Variants in AFAP1 observed in about 807,000 individuals in gnomAD.
AFAP1 encodes actin filament associated protein 1, also known as actin filament-associated protein 1.
In AFAP1, 75 loss-of-function variants were observed where a neutral mutation model predicts 93.9. The observed-to-expected ratio is 0.80, with a 90% CI of 0.66 to 0.97. The LOEUF is 0.97. Among genes scored for constraint, AFAP1 ranks in the 50% least tolerant of loss-of-function variants. The pLI is 0.00. For synonymous variants in AFAP1, 517 were observed against 430.7 expected (o/e 1.20, Z -2.48); for missense variants, 1,201 against 1,050.8 (o/e 1.14, Z -1.98).
chr4:7,898,868 A>ATG (rs978783158), intron 1 of AFAP1, among the ~76,000 whole-genome samples: 1 of 146,950 alleles, frequency 6.8e-6, no homozygotes, highest in Non-Finnish European at 1.5e-5. Flanking sequence ...GTGTATATAT[A>ATG]TGTGTGTGTG....
chr4:7,849,170 G>A (rs1375442683), intron 4 of AFAP1, among the ~76,000 whole-genome samples: 1 of 152,158 alleles, frequency 6.6e-6, no homozygotes, highest in Non-Finnish European at 1.5e-5. Context: ...TGGCTTTGCT[G>A]AGGCCATAAG....
At chr4:7,919,836 C>G (rs1202286111) in intron 1 of AFAP1, among the ~76,000 whole-genome samples, 1 of 151,998 alleles carries the variant, frequency 6.6e-6, no homozygotes, top group Non-Finnish European at 1.5e-5. Context: ...TGTTGTTCCC[C>G]TCCCTGTGTC....
chr4:7,828,601 A>G (rs1721636261), intron 6 of AFAP1, among the ~76,000 whole-genome samples: 1 of 152,192 alleles, frequency 6.6e-6, no homozygotes. Context: ...AGGTGGTGGC[A>G]GAGGAAAAGC....
chr4:7,850,770 A>G (rs181756163), intron 4 of AFAP1, among the ~76,000 whole-genome samples: 10 of 152,340 alleles, frequency 6.6e-5, no homozygotes, highest in African/African-American at 9.6e-5. Context: ...TGTTTTGTAC[A>G]ACTCCAGAGC....
chr4:7,776,344 C>A (rs1452950300), intron 14 of AFAP1: 1 of 152,206 alleles, frequency 6.6e-6, no homozygotes, highest in Non-Finnish European at 1.5e-5. Flanking sequence ...CTCAGCTTCA[C>A]CCTCTCTAAA....
At chr4:7,808,631 G>T (rs1323100808) in intron 9 of AFAP1, among the ~76,000 whole-genome samples, 1 of 152,216 alleles carries the variant, frequency 6.6e-6, no homozygotes, top group Non-Finnish European at 1.5e-5. Context: ...CATTGGTATA[G>T]TTTGGATATT....
chr4:7,765,953 C>G (rs529768323), intron 17 of AFAP1, among the ~76,000 whole-genome samples: 1 of 152,188 alleles, frequency 6.6e-6, no homozygotes, highest in Non-Finnish European at 1.5e-5. Flanking sequence ...AGTGACCCTG[C>G]GCCAGGATGC....
intron 1 of AFAP1, among the ~76,000 whole-genome samples, chr4:7,887,831 A>ATT (rs34450871): frequency 9.4e-4 from 140 of 148,566 alleles, no homozygotes; most frequent in Non-Finnish European, 1.5e-3. Flanking sequence ...ATAAAGAACA[A>ATT]TTTTTTTTTT....
chr4:7,896,153 G>C (rs537749058), intron 1 of AFAP1, among the ~76,000 whole-genome samples: 3 of 152,194 alleles, frequency 2.0e-5, no homozygotes, highest in East Asian at 1.9e-4. Context: ...GCCTGGCTCA[G>C]AAAGTATTTT....
intron 7 of AFAP1, among the ~76,000 whole-genome samples, chr4:7,818,273 C>A (rs1720662146): frequency 6.6e-6 from 1 of 152,232 alleles, no homozygotes; most frequent in Non-Finnish European, 1.5e-5. Context: ...GCGGCCCACA[C>A]TGCAGGTTTC....
intron 1 of AFAP1, among the ~76,000 whole-genome samples, chr4:7,925,853 A>AAAAAG (rs61035857): frequency 0.44 from 64,494 of 147,016 alleles, 16,130 homozygotes; most frequent in East Asian, 0.76. Context: ...CTCAAAAAAA[A>AAAAAG]AAAGAAAGAA....
intron 9 of AFAP1, among the ~76,000 whole-genome samples, chr4:7,809,148 G>A (rs947040890): frequency 2.0e-5 from 3 of 151,766 alleles, no homozygotes; most frequent in South Asian, 2.1e-4. Flanking sequence ...CCATGCTGGC[G>A]TGCTGCACCC....
intron 1 of AFAP1, among the ~76,000 whole-genome samples, chr4:7,935,843 C>A (rs999065540): frequency 3.3e-5 from 5 of 152,170 alleles, no homozygotes; most frequent in Admixed American, 6.5e-5. Flanking sequence ...CTGTGTTCTC[C>A]ATACCCATGC....
chr4:7,801,932 A>C (rs996126704), intron 9 of AFAP1, among the ~76,000 whole-genome samples: 11 of 150,952 alleles, frequency 7.3e-5, no homozygotes, highest in South Asian at 2.1e-4. Context: ...AAAAAAAAAA[A>C]AAAAAAAAAA....
In AFAP1 at chr4:7,843,355, A is replaced by T; in HGVS notation, c.335-5T>A. 6.2e-7 allele frequency: 1 copy of T among 1,608,926 alleles called. No homozygotes were observed. The highest frequency in any genetic ancestry group is 1.1e-5 in the South Asian group (1 of 90,074). ...TCATCGCATCGGAATCATAATCTGT[A>T]AAAAATAAACATACACTGGTAAAAA... is the stretch of plus-strand genomic sequence containing the variant. On this transcript the variant is annotated splice_polypyrimidine_tract_variant and splice_region_variant and intron_variant, in intron 4 of 17. Transcript: ENST00000420658.
chr4:7,903,613 A>G (rs1307613973), intron 1 of AFAP1, among the ~76,000 whole-genome samples: 2 of 152,252 alleles, frequency 1.3e-5, no homozygotes, highest in Admixed American at 6.5e-5. Flanking sequence ...TGGGAGGTAG[A>G]GGTTGCAGTG....
chr4:7,836,271 C>T (rs74385412), intron 6 of AFAP1, among the ~76,000 whole-genome samples: 2,192 of 152,276 alleles, frequency 0.014, 51 homozygotes, highest in African/African-American at 0.05. Flanking sequence ...TCAACATGGA[C>T]GGACCTTGAA....
At chr4:7,818,241 C>G (rs1424633924) in intron 7 of AFAP1, among the ~76,000 whole-genome samples, 1 of 152,208 alleles carries the variant, frequency 6.6e-6, no homozygotes, top group African/African-American at 2.4e-5. Flanking sequence ...CCTGCACCAT[C>G]GGCTCTCCTG....
At chr4:7,931,681 A>C (rs113648215) in intron 1 of AFAP1, among the ~76,000 whole-genome samples, 3,758 of 151,276 alleles carry the variant, frequency 0.025, 149 homozygotes, top group African/African-American at 0.085. Flanking sequence ...CCACACCAGG[A>C]CCAAGTGGTG....
Sources: allele counts gnomAD v4.1 joint callset (sites outside exome capture counted in the v4.1 genomes callset), GRCh38; gene constraint gnomAD v4.1.1; transcripts MANE v1.5; gene names NCBI Gene and HGNC (gene_info 2026-07-23, HGNC 2026-07-21).